The following PCDH15 variants were observed in gnomAD, a reference collection of about 807,000 sequenced individuals.
The protein encoded by PCDH15 is protocadherin related 15, also known as protocadherin-15.
Under a neutral mutation model 178.5 loss-of-function variants are expected in PCDH15, and 129 were observed. The observed-to-expected ratio is 0.72, with a 90% CI of 0.63 to 0.84. PCDH15 has a LOEUF of 0.84. Among genes scored for constraint, PCDH15 ranks in the 40% least tolerant of loss-of-function variants. PCDH15 has a pLI of 0.00. For missense variants in PCDH15, 2,230 were observed against 2,099.9 expected, an observed-to-expected ratio of 1.06 and a Z score of -1.21; for synonymous variants, 800 against 732.0, an observed-to-expected ratio of 1.09 and a Z score of -1.50.
chr10:54,738,360 T>C (rs567317199), intron 1 of PCDH15, among the ~76,000 whole-genome samples: 1 of 152,218 alleles, frequency 6.6e-6, no homozygotes, highest in Non-Finnish European at 1.5e-5. Context: ...TAGCATAATT[T>C]CTGTAAGGTA....
At chr10:55,595,338 C>A (rs1288052268) in intron 2 of PCDH15, among the ~76,000 whole-genome samples, 1 of 151,914 alleles carries the variant, frequency 6.6e-6, no homozygotes, top group Non-Finnish European at 1.5e-5. Context: ...TTTATACCAC[C>A]AAAATGTCCC....
At chr10:55,412,321 A>T (rs556930850) in intron 2 of PCDH15, among the ~76,000 whole-genome samples, 7 of 152,022 alleles carry the variant, frequency 4.6e-5, no homozygotes, top group Non-Finnish European at 8.8e-5. Context: ...TTTTTAAAAA[A>T]ACCTCTGTGG....
intron 2 of PCDH15, among the ~76,000 whole-genome samples, chr10:55,626,962 GA>G (rs1837541978): frequency 6.6e-6 from 1 of 152,128 alleles, no homozygotes; most frequent in Non-Finnish European, 1.5e-5. Context: ...AAATGAGAGA[GA>G]GAGAAAGAAG....
intron 26 of PCDH15, among the ~76,000 whole-genome samples, chr10:53,902,170 T>C (rs1011550257): frequency 6.6e-6 from 1 of 152,134 alleles, no homozygotes; most frequent in East Asian, 1.9e-4. Flanking sequence ...ATAAATTAAA[T>C]GTAATGAATG....
rs540613287 is a variant in PCDH15 at position 54,876,079 on chromosome 10, C to T, written c.-29+21371G>A. ...TATAGCTTGTGACTTTAAGTTGAAG[C>T]CAGTGTTCACTTACCATTCAGAAAA... On this transcript the variant is annotated intron_variant, in intron 3 of 5. Coordinates refer to the PCDH15 transcript ENST00000458638. 2.0e-5 allele frequency among the ~76,000 whole-genome samples: 3 copies of T among 152,180 alleles called. No individual in the cohort carries two copies. In the East Asian group the frequency reaches 5.8e-4, roughly 29 times the overall value.
chr10:54,767,939 C>T (rs1301083797), intron 1 of PCDH15, among the ~76,000 whole-genome samples: 6 of 152,048 alleles, frequency 3.9e-5, no homozygotes, highest in African/African-American at 1.2e-4. Flanking sequence ...TATGAATAAA[C>T]TATGAATTTC....
intron 13 of PCDH15, among the ~76,000 whole-genome samples, chr10:54,157,893 C>T (rs1164664946): frequency 6.6e-6 from 1 of 152,160 alleles, no homozygotes; most frequent in Non-Finnish European, 1.5e-5. Flanking sequence ...AAAATGCCAC[C>T]AGTGTCTTTG....
intron 18 of PCDH15, among the ~76,000 whole-genome samples, chr10:54,025,685 G>C (rs996744627): frequency 1.3e-5 from 2 of 151,996 alleles, no homozygotes; most frequent in East Asian, 1.9e-4. Context: ...TTTTAGTAGA[G>C]ACCGGGTTTC....
chr10:55,561,173 A>G (rs1268924916), intron 2 of PCDH15, among the ~76,000 whole-genome samples: 3 of 151,894 alleles, frequency 2.0e-5, no homozygotes, highest in Admixed American at 2.0e-4. Flanking sequence ...AATTCAGGTA[A>G]AAGTACATGT....
At chr10:54,934,404 G>C (rs1325728764) in intron 2 of PCDH15, among the ~76,000 whole-genome samples, 1 of 151,842 alleles carries the variant, frequency 6.6e-6, no homozygotes, top group Non-Finnish European at 1.5e-5. Context: ...TTTTTTTATT[G>C]AACTCCCTGA....
intron 3 of PCDH15, among the ~76,000 whole-genome samples, chr10:54,818,684 C>A (rs1952987132): frequency 6.6e-6 from 1 of 152,020 alleles, no homozygotes; most frequent in South Asian, 2.1e-4. Flanking sequence ...GCCTGGATAT[C>A]TCTTTCCGTT....
intron 2 of PCDH15, among the ~76,000 whole-genome samples, chr10:55,570,790 T>C (rs954322457): frequency 6.6e-6 from 1 of 152,080 alleles, no homozygotes; most frequent in African/African-American, 2.4e-5. Context: ...ATGAAAAGCC[T>C]GACCTTCTGA....
At chr10:54,581,737 T>G (rs1170257843) in intron 2 of PCDH15, among the ~76,000 whole-genome samples, 1 of 152,002 alleles carries the variant, frequency 6.6e-6, no homozygotes, top group Non-Finnish European at 1.5e-5. Context: ...CATAGACGTA[T>G]GGAACAGAAA....
At chr10:55,330,143 T>A (rs1844160502) in intron 2 of PCDH15, among the ~76,000 whole-genome samples, 2 of 151,840 alleles carry the variant, frequency 1.3e-5, no homozygotes, top group Admixed American at 1.3e-4. Context: ...ATACTATTAT[T>A]TAGTGATTAA....
intron 2 of PCDH15, among the ~76,000 whole-genome samples, chr10:55,075,282 T>C (rs1430351134): frequency 6.6e-6 from 1 of 152,070 alleles, no homozygotes; most frequent in Non-Finnish European, 1.5e-5. Flanking sequence ...GTATCAATTG[T>C]GAGGCTCAAT....
intron 15 of PCDH15, among the ~76,000 whole-genome samples, chr10:54,115,088 A>G (rs1215065153): frequency 6.6e-6 from 1 of 152,162 alleles, no homozygotes; most frequent in East Asian, 1.9e-4. Context: ...AGTAGGAGGT[A>G]GGTGATGGTG....
chr10:55,552,945 C>G (rs572298541), intron 2 of PCDH15, among the ~76,000 whole-genome samples: 1 of 151,456 alleles, frequency 6.6e-6, no homozygotes, highest in African/African-American at 2.4e-5. Flanking sequence ...AGAATTACAT[C>G]AGTCACTTTG....
At chr10:55,000,450 T>G (rs1839772233) in intron 2 of PCDH15, among the ~76,000 whole-genome samples, 1 of 152,242 alleles carries the variant, frequency 6.6e-6, no homozygotes, top group Non-Finnish European at 1.5e-5. Flanking sequence ...TGTTCTTTTT[T>G]CAAGGTGCCC....
At chr10:54,073,051 T>C (rs535770169) in intron 17 of PCDH15, among the ~76,000 whole-genome samples, 2 of 152,222 alleles carry the variant, frequency 1.3e-5, no homozygotes, top group South Asian at 2.1e-4. Flanking sequence ...AGTAGGAAGA[T>C]TGCATCAGGT....
Sources: gnomAD v4.1 joint callset for allele counts (sites outside exome capture counted in the v4.1 genomes callset) on GRCh38, gnomAD v4.1.1 for gene constraint, MANE v1.5 for transcripts, NCBI Gene and HGNC (gene_info 2026-07-23, HGNC 2026-07-21) for gene names.